SATL1: variants seen among roughly 807,000 people sequenced by gnomAD.
SATL1 encodes spermidine/spermine N(1)-acetyltransferase-like protein 1.
In SATL1, 47 loss-of-function variants were observed where a neutral mutation model predicts 51.8. That is an observed-to-expected ratio of 0.91 (90% CI 0.72 to 1.16). SATL1 has a LOEUF of 1.16. Ranked by LOEUF, SATL1 falls within the 50% of genes most tolerant of loss-of-function variation. SATL1 has a pLI of 0.00. For missense variants in SATL1, 520 were observed against 526.4 expected (o/e 0.99, Z 0.12); for synonymous variants, 176 against 182.4 (o/e 0.97, Z 0.28).
rs758602056 is a variant in SATL1, at chrX:85,108,386, G to A, written c.583C>T (p.Gln195Ter). 1.7e-6 allele frequency: 2 copies of A among 1,211,549 alleles called. No individual in the cohort carries two copies. Among genetic ancestry groups the A allele is most frequent in the Non-Finnish European group, 2.2e-6 (2 of 895,441 alleles). Reference sequence around the variant, plus strand: ...ATGCCTGGTTGTTGCACGCCTGGTTGCCACATGCCTGGTGGACTCATGTTT... The same window carrying A: ...ATGCCTGGTTGTTGCACGCCTGGTTACCACATGCCTGGTGGACTCATGTTT... Reference protein sequence around the residue: ...QPNMSPPGMWQPGVQQPGISQ... With the variant: ...QPNMSPPGMW The change falls in exon 3 of 8, where the codon CAA (glutamine) becomes TAA (stop). Residue 195 changes from glutamine to a stop codon, truncating the protein, a stop_gained. Transcript: ENST00000644105. LOFTEE classifies it high-confidence loss of function.
At chrX:85,241,417 C>T (rs1371007390) in intron 1 of SATL1, among the ~76,000 whole-genome samples, 1 of 110,964 alleles carries the variant, frequency 9.0e-6, no homozygotes, top group Non-Finnish European at 1.9e-5. Flanking sequence ...CATGTATCTC[C>T]TGAATGTAAA....
chrX:85,205,488 A>C (rs1290916727), intron 2 of SATL1, among the ~76,000 whole-genome samples: 1 of 112,295 alleles, frequency 8.9e-6, no homozygotes, highest in African/African-American at 3.2e-5. Context: ...GGATAACATT[A>C]ATTGGAAAAG....
intron 2 of SATL1, among the ~76,000 whole-genome samples, chrX:85,120,219 C>A (rs1324232235): frequency 9.0e-6 from 1 of 111,100 alleles, no homozygotes; most frequent in Non-Finnish European, 1.9e-5. Flanking sequence ...AGCTGTGACC[C>A]CAGAGAAATT....
At chrX:85,151,947 A>G (rs967621522) in intron 2 of SATL1, among the ~76,000 whole-genome samples, 2 of 110,686 alleles carry the variant, frequency 1.8e-5, no homozygotes, top group African/African-American at 6.6e-5. Context: ...AATGGCAACA[A>G]AAGCCAAAAT....
At chrX:85,174,660 C>G (rs778252806) in intron 2 of SATL1, among the ~76,000 whole-genome samples, 22 of 111,288 alleles carry the variant, frequency 2.0e-4, no homozygotes, top group Non-Finnish European at 4.0e-4. Flanking sequence ...AAGAGAATAA[C>G]TTAACAGATG....
At chrX:85,187,634 A>G (rs1425771353) in intron 2 of SATL1, among the ~76,000 whole-genome samples, 1 of 111,693 alleles carries the variant, frequency 9.0e-6, no homozygotes, top group African/African-American at 3.3e-5. Context: ...TGATTTCCGT[A>G]TCTTGAACCA....
At chrX:85,227,156 G>GT (rs1448366338) in intron 1 of SATL1, among the ~76,000 whole-genome samples, 1 of 111,356 alleles carries the variant, frequency 9.0e-6, no homozygotes, top group Admixed American at 9.5e-5. Context: ...AACCTCATCT[G>GT]TGCTCTTATT....
rs778553962 is a variant in SATL1, at chrX:85,146,634, T to C, written c.-312-37354A>G. ...TGAATAAGTGGGGACTACTGTTTAT[T>C]GGAATAACACATACTAGGAGTACCT... On this transcript the variant is annotated intron_variant, in intron 2 of 7. Transcript: ENST00000644105. 5.9e-4 allele frequency among the ~76,000 whole-genome samples: 66 copies of C among 112,417 alleles called. 1 individual carries two copies. Among genetic ancestry groups the C allele is most frequent in the South Asian group, 4.8e-3 (13 of 2,723 alleles).
At chrX:85,100,013 C>G (rs1848010630) in intron 4 of SATL1, among the ~76,000 whole-genome samples, 1 of 112,562 alleles carries the variant, frequency 8.9e-6, no homozygotes, top group Non-Finnish European at 1.9e-5. Context: ...TGTGACCAGT[C>G]TGGCCAACAT....
At chrX:85,206,583 A>G (rs1441698281) in intron 2 of SATL1, among the ~76,000 whole-genome samples, 1 of 111,536 alleles carries the variant, frequency 9.0e-6, no homozygotes, top group Non-Finnish European at 1.9e-5. Flanking sequence ...TTCAGCAAAG[A>G]GGTGGGAACA....
chrX:85,157,810 C>G (rs1168348684), intron 2 of SATL1, among the ~76,000 whole-genome samples: 1 of 111,329 alleles, frequency 9.0e-6, no homozygotes. Context: ...CTTATGGATA[C>G]TTTTTATTTA....
intron 2 of SATL1, among the ~76,000 whole-genome samples, chrX:85,142,118 C>T (rs1351875624): frequency 2.8e-5 from 3 of 106,818 alleles, no homozygotes; most frequent in Non-Finnish European, 3.9e-5. Context: ...AAGTAGAGGC[C>T]GGTCACGGTG....
intron 1 of SATL1, among the ~76,000 whole-genome samples, chrX:85,224,846 A>G (rs1052703699): frequency 9.1e-6 from 1 of 110,370 alleles, no homozygotes; most frequent in Non-Finnish European, 1.9e-5. Flanking sequence ...ATTTCTTTGT[A>G]ACAGCCAAAA....
At chrX:85,130,309 C>T (rs1241672362) in intron 2 of SATL1, among the ~76,000 whole-genome samples, 2 of 110,927 alleles carry the variant, frequency 1.8e-5, no homozygotes, top group East Asian at 5.6e-4. Flanking sequence ...TATTAATTAT[C>T]ACCTCAATTT....
At chrX:85,107,285 T>TAC (rs1288052175) in intron 3 of SATL1, 43 bp downstream of exon 3, 1 of 1,108,674 alleles carries the variant, frequency 9.0e-7, no homozygotes, top group African/African-American at 1.8e-5. Flanking sequence ...CTTTCAGCCC[T>TAC]ACACCAATGC....
At chrX:85,134,829 T>C (rs1318204094) in intron 2 of SATL1, among the ~76,000 whole-genome samples, 1 of 111,688 alleles carries the variant, frequency 9.0e-6, no homozygotes, top group Non-Finnish European at 1.9e-5. Context: ...CAGATAAAGC[T>C]GAAGAGGTAG....
chrX:85,188,549 G>A (rs1480461883), intron 2 of SATL1, among the ~76,000 whole-genome samples: 1 of 111,246 alleles, frequency 9.0e-6, no homozygotes, highest in Non-Finnish European at 1.9e-5. Flanking sequence ...GGGAGGCTGA[G>A]GTGAGAGGAT....
rs191730083 is a variant in SATL1 at position 85,095,319 on chromosome X, C to T, written c.1694-323G>A. 7.2e-5 allele frequency among the ~76,000 whole-genome samples: 8 copies of T among 111,390 alleles called. No homozygotes were observed. In the East Asian group the frequency reaches 1.7e-3, roughly 24 times the overall value. Reference sequence around the variant, plus strand: ...TGCTGGAGCAAGGGTGACCAATAAACCTCTTGTCCTCAAAATACTGAAGTT... The same window carrying T: ...TGCTGGAGCAAGGGTGACCAATAAATCTCTTGTCCTCAAAATACTGAAGTT... On this transcript the variant is annotated intron_variant, in intron 4 of 7. Coordinates refer to ENST00000644105, the MANE Select transcript of SATL1 (RefSeq NM_001367857.2).
chrX:85,146,098 G>T (rs1168445075), intron 2 of SATL1, among the ~76,000 whole-genome samples: 1 of 110,276 alleles, frequency 9.1e-6, no homozygotes, highest in Non-Finnish European at 1.9e-5. Flanking sequence ...GGGTTTCACT[G>T]TGTGTTAGCC....
Sources: allele counts gnomAD v4.1 joint callset (sites outside exome capture counted in the v4.1 genomes callset), GRCh38; gene constraint gnomAD v4.1.1; transcripts MANE v1.5; gene names NCBI Gene and HGNC (gene_info 2026-07-23, HGNC 2026-07-21).